The following ADGRL3 variants were observed in gnomAD, a reference collection of about 807,000 sequenced individuals.
The protein encoded by ADGRL3 is calcium-independent alpha-latrotoxin receptor 3.
Under a neutral mutation model 153.5 loss-of-function variants are expected in ADGRL3, and 62 were observed. The observed-to-expected ratio is 0.40, with a 90% CI of 0.33 to 0.50. The LOEUF (loss-of-function observed/expected upper bound fraction) is 0.50, where lower values mean the gene tolerates loss of function less well. Ranked by LOEUF, ADGRL3 falls within the 20% of genes least tolerant of loss-of-function variation. The pLI is 0.47. For missense variants in ADGRL3, 1,641 were observed against 1,859.4 expected (o/e 0.88, Z 2.16); for synonymous variants, 710 against 672.5 (o/e 1.06, Z -0.86).
intron 17 of ADGRL3, among the ~76,000 whole-genome samples, chr4:61,949,579 C>T (rs1394509017): frequency 6.6e-6 from 1 of 151,896 alleles, no homozygotes; most frequent in East Asian, 1.9e-4. Context: ...CTTGTAATCC[C>T]AGCTACTCGG....
At chr4:62,020,835 G>C (rs897306452) in intron 21 of ADGRL3, among the ~76,000 whole-genome samples, 2 of 151,900 alleles carry the variant, frequency 1.3e-5, no homozygotes, top group African/African-American at 2.4e-5. Flanking sequence ...GTTAAACTTA[G>C]ATTTCTCATG....
At chr4:62,017,914 C>T (rs1392980312) in intron 21 of ADGRL3, among the ~76,000 whole-genome samples, 3 of 151,972 alleles carry the variant, frequency 2.0e-5, no homozygotes, top group East Asian at 1.9e-4. Context: ...GATGGAGTCT[C>T]GCTCTGTCAC....
At chr4:62,033,202 G>GGAGAGA (rs1370467280) in intron 23 of ADGRL3, among the ~76,000 whole-genome samples, 1 of 151,586 alleles carries the variant, frequency 6.6e-6, no homozygotes, top group Non-Finnish European at 1.5e-5. Flanking sequence ...AGGAAGTCTG[G>GGAGAGA]GAGAGAGAGA....
intron 8 of ADGRL3, among the ~76,000 whole-genome samples, chr4:61,745,254 G>T (rs2096640191): frequency 1.3e-5 from 2 of 152,146 alleles, no homozygotes; most frequent in African/African-American, 4.8e-5. Flanking sequence ...GAAAGTGATG[G>T]GGAGAATGGA....
chr4:61,467,900 C>T (rs1269910328), intron 2 of ADGRL3, among the ~76,000 whole-genome samples: 1 of 152,052 alleles, frequency 6.6e-6, no homozygotes, highest in Non-Finnish European at 1.5e-5. Context: ...GTATAACATA[C>T]AATAATTTGG....
At chr4:61,503,621 A>G (rs185909230) in intron 3 of ADGRL3, among the ~76,000 whole-genome samples, 4 of 152,210 alleles carry the variant, frequency 2.6e-5, no homozygotes, top group Admixed American at 1.3e-4. Flanking sequence ...GTAAGATATC[A>G]TTAGAAGACA....
At chr4:61,569,742 C>T (rs2098830773) in intron 4 of ADGRL3, among the ~76,000 whole-genome samples, 2 of 152,092 alleles carry the variant, frequency 1.3e-5, no homozygotes, top group African/African-American at 2.4e-5. Flanking sequence ...CAAGTTATAA[C>T]ATATATCTGT....
chr4:61,308,544 G>A (rs1248905211), intron 1 of ADGRL3, among the ~76,000 whole-genome samples: 6 of 152,242 alleles, frequency 3.9e-5, no homozygotes, highest in Middle Eastern at 3.4e-3. Flanking sequence ...TGAGTCTGCT[G>A]CTAGTGTGTT....
chr4:61,231,662 C>G (rs1019601296), intron 1 of ADGRL3, among the ~76,000 whole-genome samples: 3 of 152,040 alleles, frequency 2.0e-5, no homozygotes, highest in Non-Finnish European at 4.4e-5. Flanking sequence ...TGCTGCAGTG[C>G]TTCTCAGGGC....
intron 25 of ADGRL3, among the ~76,000 whole-genome samples, chr4:62,061,389 A>T (rs771539127): frequency 6.6e-6 from 1 of 151,902 alleles, no homozygotes; most frequent in Non-Finnish European, 1.5e-5. Context: ...CTATACTGCA[A>T]TATCACACCA....
chr4:61,522,145 G>T (rs1408546246), intron 4 of ADGRL3, among the ~76,000 whole-genome samples: 1 of 152,000 alleles, frequency 6.6e-6, no homozygotes, highest in Admixed American at 6.6e-5. Context: ...GTCTTTCCAG[G>T]CCTAGATATA....
chr4:61,411,138 A>T (rs983379569), intron 2 of ADGRL3, among the ~76,000 whole-genome samples: 1 of 152,126 alleles, frequency 6.6e-6, no homozygotes, highest in Non-Finnish European at 1.5e-5. Flanking sequence ...TCTGTCTATA[A>T]ACCTATTCAG....
At chr4:61,560,982 T>A (rs946767389) in intron 4 of ADGRL3, among the ~76,000 whole-genome samples, 7 of 152,288 alleles carry the variant, frequency 4.6e-5, no homozygotes, top group African/African-American at 1.7e-4. Flanking sequence ...GTAAAAGATA[T>A]AGTGTCATAT....
At position 61,760,454 on chromosome 4, in the gene ADGRL3, A is replaced by G. The variant is rs2096897779; in HGVS notation, c.1399+26900A>G. ...GGCTCCGTGGGCGTAGGACCCTCTG[A>G]GCCAGGCACGGGATATAATCTCCTG... On this transcript the variant is annotated intron_variant, in intron 8 of 26. Transcript: ENST00000683033. Among the ~76,000 whole-genome samples, 2 of 152,180 alleles carry G rather than the reference A, an allele frequency of 1.3e-5. 1 individual carries two copies. The highest frequency in any genetic ancestry group is 3.9e-4 in the East Asian group (2 of 5,164).
intron 22 of ADGRL3, among the ~76,000 whole-genome samples, chr4:62,029,411 T>A (rs1004917413): frequency 6.6e-6 from 1 of 151,778 alleles, no homozygotes; most frequent in African/African-American, 2.4e-5. Flanking sequence ...CCCTTTCAAA[T>A]TTGACACCTG....
chr4:61,621,746 A>G (rs1267780628), intron 5 of ADGRL3, among the ~76,000 whole-genome samples: 1 of 152,110 alleles, frequency 6.6e-6, no homozygotes, highest in Non-Finnish European at 1.5e-5. Context: ...GCGCTAATTA[A>G]TTGAATAAAA....
rs188586183 is a variant in ADGRL3 at position 61,400,143 on chromosome 4, G to T, written c.-174+16954G>T. On this transcript the variant is annotated intron_variant, in intron 2 of 26. Coordinates refer to ENST00000683033, the MANE Select transcript of ADGRL3 (RefSeq NM_001387552.1). The stretch of plus-strand genomic sequence containing the variant: ...AGAGGTTCAGTTGAGTTTTTAAACT[G>T]CAGTTAAATAAAAAGATTTTGCCTA... Among the ~76,000 whole-genome samples, 275 of 151,804 alleles carry T rather than the reference G, an allele frequency of 1.8e-3. 2 individuals are homozygous for T. The highest frequency in any genetic ancestry group is 6.4e-3 in the African/African-American group (266 of 41,498).
chr4:61,542,701 C>T (rs2098695963), intron 4 of ADGRL3, among the ~76,000 whole-genome samples: 1 of 152,140 alleles, frequency 6.6e-6, no homozygotes, highest in Non-Finnish European at 1.5e-5. Flanking sequence ...TTAATGCACT[C>T]CCTATTTTGT....
At chr4:61,924,818 T>C (rs953208795) in intron 13 of ADGRL3, among the ~76,000 whole-genome samples, 1 of 152,234 alleles carries the variant, frequency 6.6e-6, no homozygotes, top group Non-Finnish European at 1.5e-5. Context: ...TGTACCATTC[T>C]ATTTGAAAGC....
Sources: allele counts gnomAD v4.1 joint callset (sites outside exome capture counted in the v4.1 genomes callset), GRCh38; gene constraint gnomAD v4.1.1; transcripts MANE v1.5; gene names NCBI Gene and HGNC (gene_info 2026-07-23, HGNC 2026-07-21).